The following HS6ST2 variants were observed in gnomAD, a reference collection of about 807,000 sequenced individuals.
HS6ST2 encodes the protein heparan sulfate 6-O-sulfotransferase 2.
HS6ST2 carries 17 observed loss-of-function variants against 33.0 expected under a neutral mutation model. That is an observed-to-expected ratio of 0.52 (90% CI 0.35 to 0.77). The LOEUF (loss-of-function observed/expected upper bound fraction) is 0.77, where lower values mean the gene tolerates loss of function less well. HS6ST2 is among the 30% of genes least tolerant of loss of function. The pLI is 0.01. For missense variants in HS6ST2, 519 were observed against 551.7 expected (o/e 0.94, Z 0.59); for synonymous variants, 248 against 237.1 (o/e 1.05, Z -0.42).
chrX:132,816,908 G>T (rs769919501), intron 2 of HS6ST2, among the ~76,000 whole-genome samples: 5 of 111,247 alleles, frequency 4.5e-5, no homozygotes, highest in Non-Finnish European at 7.5e-5. Flanking sequence ...TCTAATTGGC[G>T]GTGATTAGAG....
At chrX:132,940,835 G>A (rs1028001013) in intron 2 of HS6ST2, among the ~76,000 whole-genome samples, 5 of 111,792 alleles carry the variant, frequency 4.5e-5, no homozygotes, top group African/African-American at 1.6e-4. Flanking sequence ...TAACCAGAAA[G>A]TACTGCATCC....
rs905796513 is a variant in HS6ST2 at position 132,857,769 on chromosome X, T to A, written c.947+99039A>T. On this transcript the variant is annotated intron_variant, in intron 2 of 4. Transcript: ENST00000370833. ...AAAGTTCCATGACGGCACAGACTTT[T>A]GTCTGTTTAGGTTCATTGGAACAAA... 3.6e-5 allele frequency among the ~76,000 whole-genome samples: 4 copies of A among 111,848 alleles called. No homozygotes were observed. The East Asian group carries it at 1.1e-3, about 32-fold the overall frequency.
intron 2 of HS6ST2, among the ~76,000 whole-genome samples, chrX:132,715,095 T>A (rs2064262154): frequency 8.9e-6 from 1 of 111,899 alleles, no homozygotes. Flanking sequence ...GTGCCTACCA[T>A]ATCTTGTTCG....
chrX:132,789,778 C>T (rs1261299660), intron 2 of HS6ST2, among the ~76,000 whole-genome samples: 1 of 111,449 alleles, frequency 9.0e-6, no homozygotes, highest in African/African-American at 3.3e-5. Context: ...ACTTTGGGGG[C>T]TCAAGACTTC....
chrX:132,684,809 G>A (rs1241049295), intron 3 of HS6ST2, among the ~76,000 whole-genome samples: 9 of 111,787 alleles, frequency 8.1e-5, no homozygotes, highest in Non-Finnish European at 1.7e-4. Flanking sequence ...CTAGTTCTTT[G>A]TTCAGGACTC....
intron 2 of HS6ST2, among the ~76,000 whole-genome samples, chrX:132,866,161 G>A (rs1006078038): frequency 1.8e-5 from 2 of 111,128 alleles, no homozygotes; most frequent in Admixed American, 1.9e-4. Context: ...TTTGTATAAG[G>A]TGTAAGGAAG....
intron 2 of HS6ST2, among the ~76,000 whole-genome samples, chrX:132,839,899 TTGAGGTTAGGAG>T (rs1306505986): frequency 9.0e-6 from 1 of 110,507 alleles, no homozygotes; most frequent in Non-Finnish European, 1.9e-5. Context: ...CGTAAATCAC[TTGAGGTTAGGAG>T]TTCAAAACCA....
intron 3 of HS6ST2, 146 bp from the exon 4 acceptor site, chrX:132,669,345 TCC>T: frequency 3.1e-6 from 1 of 319,298 alleles, no homozygotes; most frequent in Non-Finnish European, 5.2e-6. Flanking sequence ...TCTCTCTCTC[TCC>T]TGTCAAAGTA....
chrX:132,932,247 G>C (rs2066779164), intron 2 of HS6ST2, among the ~76,000 whole-genome samples: 1 of 108,633 alleles, frequency 9.2e-6, no homozygotes, highest in African/African-American at 3.3e-5. Flanking sequence ...TGGAGCAATT[G>C]ATGCCCCAGG....
At chrX:132,659,535 C>T in intron 4 of HS6ST2, among the ~76,000 whole-genome samples, 1 of 108,128 alleles carries the variant, frequency 9.2e-6, no homozygotes, top group Non-Finnish European at 1.9e-5. Flanking sequence ...TTCACCACTC[C>T]CCACAGCCCT....
intron 2 of HS6ST2, among the ~76,000 whole-genome samples, chrX:132,938,933 C>G (rs1167598991): frequency 8.9e-6 from 1 of 112,154 alleles, no homozygotes; most frequent in African/African-American, 3.2e-5. Flanking sequence ...GTTCTGCAGG[C>G]TGTACAGCTA....
intron 2 of HS6ST2, among the ~76,000 whole-genome samples, chrX:132,808,160 A>G (rs1196530763): frequency 9.0e-6 from 1 of 111,538 alleles, no homozygotes; most frequent in Admixed American, 9.5e-5. Context: ...AAGACACAGG[A>G]TGAATAAAAA....
chrX:132,639,303 C>T (rs2063584366), intron 4 of HS6ST2, among the ~76,000 whole-genome samples: 1 of 111,938 alleles, frequency 8.9e-6, no homozygotes, highest in African/African-American at 3.2e-5. Context: ...AACTTTATGA[C>T]CCATAGTTGC....
At chrX:132,905,282 G>T (rs1298510845) in intron 2 of HS6ST2, among the ~76,000 whole-genome samples, 1 of 112,015 alleles carries the variant, frequency 8.9e-6, no homozygotes, top group African/African-American at 3.2e-5. Context: ...TCAATGGCTT[G>T]TTGAAGAAGT....
chrX:132,710,376 C>T (rs1242508066), intron 2 of HS6ST2, among the ~76,000 whole-genome samples: 2 of 111,876 alleles, frequency 1.8e-5, no homozygotes, highest in East Asian at 5.6e-4. Context: ...TTTAAAAAGG[C>T]CCTTTAATCA....
At position 132,919,390 on chromosome X, in the gene HS6ST2, T is replaced by C. The variant is rs2066627512; in HGVS notation, c.947+37418A>G. On this transcript the variant is annotated intron_variant, in intron 2 of 4. Coordinates refer to ENST00000370833, the MANE Select transcript of HS6ST2 (RefSeq NM_001394073.1). ...AAATTTTTCCATTTTAGGACTTCTC[T>C]AAGAAGACAGAAAACAGCATCACTG... 3.6e-5 allele frequency among the ~76,000 whole-genome samples: 4 copies of C among 112,047 alleles called. No individual in the cohort carries two copies. In the South Asian group the frequency reaches 1.1e-3, roughly 32 times the overall value.
intron 2 of HS6ST2, among the ~76,000 whole-genome samples, chrX:132,723,966 C>T (rs2064363884): frequency 9.1e-6 from 1 of 110,124 alleles, no homozygotes; most frequent in Non-Finnish European, 1.9e-5. Context: ...GAAACCCCAT[C>T]TCTACTAAAA....
intron 3 of HS6ST2, among the ~76,000 whole-genome samples, chrX:132,695,057 G>A (rs1323494999): frequency 3.6e-5 from 4 of 110,734 alleles, no homozygotes; most frequent in African/African-American, 9.9e-5. Flanking sequence ...ACGAGGTGGC[G>A]CTGGAGATAT....
rs1240902675 is a variant in HS6ST2, at chrX:132,627,086, A to G, written c.*1137T>C. The G allele has an allele frequency of 1.8e-5, 2 of 112,549 alleles. No homozygotes were observed. Among genetic ancestry groups the G allele is most frequent in the African/African-American group, 6.5e-5 (2 of 30,925 alleles). The allele number at this position is 112,549 out of a possible 1,213,427, so 9.3% of individuals were successfully genotyped here. The stretch of plus-strand genomic sequence containing the variant: ...ATCTGTCAACATGAAAAAGAACTAA[A>G]GGGCTAGAAATAGTTGGCCCAACTG... On this transcript the variant is annotated 3_prime_UTR_variant, in exon 5 of 5. Transcript: ENST00000370833.
Sources: gnomAD v4.1 joint callset for allele counts (sites outside exome capture counted in the v4.1 genomes callset) on GRCh38, gnomAD v4.1.1 for gene constraint, MANE v1.5 for transcripts, NCBI Gene and HGNC (gene_info 2026-07-23, HGNC 2026-07-21) for gene names.